MACROD2: variants seen among roughly 807,000 people sequenced by gnomAD.
The protein encoded by MACROD2 is ADP-ribose glycohydrolase MACROD2.
MACROD2 carries 36 observed loss-of-function variants against 70.4 expected under a neutral mutation model. The ratio of observed to expected loss-of-function variants is 0.51; its 90% CI spans 0.39 to 0.68. The LOEUF (loss-of-function observed/expected upper bound fraction) is 0.68, where lower values mean the gene tolerates loss of function less well. Among genes scored for constraint, MACROD2 ranks in the 30% least tolerant of loss-of-function variants. The pLI is 0.00. For missense variants in MACROD2, 496 were observed against 538.4 expected, an observed-to-expected ratio of 0.92 and a Z score of 0.78; for synonymous variants, 172 against 178.8, an observed-to-expected ratio of 0.96 and a Z score of 0.30.
At chr20:14,259,354 C>T (rs1444660950) in intron 3 of MACROD2, among the ~76,000 whole-genome samples, 9 of 152,070 alleles carry the variant, frequency 5.9e-5, no homozygotes, top group African/African-American at 1.9e-4. Context: ...TAGTTCTTTC[C>T]TTTTAAATTT....
intron 8 of MACROD2, among the ~76,000 whole-genome samples, chr20:15,548,774 C>T (rs2048058014): frequency 1.3e-5 from 2 of 152,152 alleles, no homozygotes; most frequent in African/African-American, 4.8e-5. Context: ...GCCATACTAT[C>T]CTTGGTTCTC....
intron 10 of MACROD2, among the ~76,000 whole-genome samples, chr20:15,891,132 G>A (rs974027023): frequency 4.6e-5 from 7 of 152,194 alleles, no homozygotes; most frequent in African/African-American, 1.7e-4. Context: ...AGATTAGGCA[G>A]TCAGGGAAGA....
intron 7 of MACROD2, among the ~76,000 whole-genome samples, chr20:15,472,837 C>T (rs1286826785): frequency 6.6e-6 from 1 of 152,132 alleles, no homozygotes; most frequent in Non-Finnish European, 1.5e-5. Flanking sequence ...CTCACAGTAC[C>T]TCTACAGAAT....
At chr20:14,089,853 A>G (rs2054124879) in intron 3 of MACROD2, among the ~76,000 whole-genome samples, 1 of 152,246 alleles carries the variant, frequency 6.6e-6, no homozygotes, top group Non-Finnish European at 1.5e-5. Context: ...CTTTGTATAT[A>G]GCTATAGTAC....
chr20:14,219,485 C>T (rs2081651406), intron 3 of MACROD2, among the ~76,000 whole-genome samples: 1 of 152,068 alleles, frequency 6.6e-6, no homozygotes, highest in Non-Finnish European at 1.5e-5. Flanking sequence ...TTTCTTTGGT[C>T]CCTCCCCAAT....
Position 15,834,377 on chromosome 20 carries a change from G to A in MACROD2, c.646-28368G>A, listed in dbSNP as rs904406258. On this transcript the variant is annotated intron_variant, in intron 8 of 17. Transcript: ENST00000684519. ...ACAAAATAAAATAAAATAACACACCGCGTATTTTCCAGCATTTGTAGTTTT... is the reference window on the plus strand; with the variant it reads ...ACAAAATAAAATAAAATAACACACCACGTATTTTCCAGCATTTGTAGTTTT... Among the ~76,000 whole-genome samples, 38 of 152,130 alleles carry A rather than the reference G, an allele frequency of 2.5e-4. 1 individual carries two copies. Among genetic ancestry groups the A allele is most frequent in the East Asian group, 1.2e-3 (6 of 5,148 alleles).
intron 5 of MACROD2, among the ~76,000 whole-genome samples, chr20:15,111,075 A>C (rs773432554): frequency 1.3e-5 from 2 of 152,164 alleles, no homozygotes; most frequent in African/African-American, 2.4e-5. Flanking sequence ...TCTCAAAGTC[A>C]CTTGGCAATG....
chr20:14,773,341 C>G (rs1336984757), intron 5 of MACROD2, among the ~76,000 whole-genome samples: 2 of 152,146 alleles, frequency 1.3e-5, no homozygotes, highest in South Asian at 4.1e-4. Flanking sequence ...CAAGCAGTTT[C>G]TTTTTCTTTT....
At chr20:14,107,455 T>C (rs981522448) in intron 3 of MACROD2, among the ~76,000 whole-genome samples, 12 of 151,902 alleles carry the variant, frequency 7.9e-5, no homozygotes, top group Admixed American at 2.0e-4. Flanking sequence ...GAAGAGGAGA[T>C]AGAGAAAGAG....
intron 4 of MACROD2, among the ~76,000 whole-genome samples, chr20:14,562,929 T>G (rs991172270): frequency 1.3e-5 from 2 of 151,888 alleles, no homozygotes; most frequent in African/African-American, 4.8e-5. Flanking sequence ...TATGAACTTA[T>G]GGAAATTTGG....
At chr20:15,989,883 T>G (rs963706835) in intron 15 of MACROD2, among the ~76,000 whole-genome samples, 3 of 152,082 alleles carry the variant, frequency 2.0e-5, no homozygotes, top group African/African-American at 7.2e-5. Context: ...TCTCTCTTTT[T>G]TGTAGCATTT....
chr20:15,028,557 C>T (rs1199423492), intron 5 of MACROD2, among the ~76,000 whole-genome samples: 3 of 152,140 alleles, frequency 2.0e-5, no homozygotes, highest in African/African-American at 4.8e-5. Flanking sequence ...TGGGATCTGT[C>T]CCTCTAATAT....
At chr20:15,615,850 T>G (rs142881072) in intron 8 of MACROD2, among the ~76,000 whole-genome samples, 1 of 152,122 alleles carries the variant, frequency 6.6e-6, no homozygotes, top group African/African-American at 2.4e-5. Context: ...GAGATGCACA[T>G]TATGAGCTGC....
chr20:14,918,029 A>G (rs567339839), intron 5 of MACROD2, among the ~76,000 whole-genome samples: 3 of 152,158 alleles, frequency 2.0e-5, no homozygotes, highest in South Asian at 2.1e-4. Context: ...CTGGAGTGCA[A>G]TGGTGCAATC....
chr20:15,682,513 T>C (rs1412026537), intron 8 of MACROD2, among the ~76,000 whole-genome samples: 1 of 152,184 alleles, frequency 6.6e-6, no homozygotes, highest in South Asian at 2.1e-4. Flanking sequence ...TTATAGCCAT[T>C]GTCTAAATGC....
chr20:15,204,523 A>G (rs1568634622), intron 5 of MACROD2, among the ~76,000 whole-genome samples: 1 of 152,146 alleles, frequency 6.6e-6, no homozygotes, highest in African/African-American at 2.4e-5. Flanking sequence ...CTGGCCTATT[A>G]TAATTTTCAG....
rs397865668 is a variant in MACROD2 at position 15,741,092 on chromosome 20, CT to C, written c.646-121635del. Reference sequence around the variant, plus strand: ...TCTACAAAACTCTCAGTTATCATATCTTTTTTTTTTTTTTTTTTGAGGTGGA... The same window carrying C: ...TCTACAAAACTCTCAGTTATCATATCTTTTTTTTTTTTTTTTTGAGGTGGA... On this transcript the variant is annotated intron_variant, in intron 8 of 17. Transcript: ENST00000684519. Among the ~76,000 whole-genome samples the C allele has an allele frequency of 9.7e-3, 1,202 of 123,950 alleles. 6 individuals are homozygous for C. The highest frequency in any genetic ancestry group is 0.031 in the African/African-American group (992 of 32,114). 81.3% of individuals were successfully genotyped at this position (123,950 alleles called of 152,430 possible). A position where few individuals can be genotyped will look rare whatever the true frequency, so the allele number is the denominator to read the frequency against.
At chr20:15,574,855 C>T (rs927618495) in intron 8 of MACROD2, among the ~76,000 whole-genome samples, 4 of 152,112 alleles carry the variant, frequency 2.6e-5, no homozygotes, top group South Asian at 2.1e-4. Flanking sequence ...TTTTGCTAGT[C>T]GCTTCATTTT....
intron 5 of MACROD2, among the ~76,000 whole-genome samples, chr20:14,871,988 T>C (rs1012783282): frequency 2.0e-5 from 3 of 152,094 alleles, no homozygotes; most frequent in Admixed American, 2.0e-4. Flanking sequence ...TAAATATATA[T>C]GCACCCGACA....
Sources: allele counts gnomAD v4.1 joint callset (sites outside exome capture counted in the v4.1 genomes callset), GRCh38; gene constraint gnomAD v4.1.1; transcripts MANE v1.5; gene names NCBI Gene and HGNC (gene_info 2026-07-23, HGNC 2026-07-21).